Variants in SYN3 observed in about 807,000 individuals in gnomAD.
SYN3 encodes the protein synapsin-3.
Under a neutral mutation model 65.8 loss-of-function variants are expected in SYN3, and 35 were observed. The observed-to-expected ratio is 0.53, with a 90% CI of 0.41 to 0.70. The LOEUF (loss-of-function observed/expected upper bound fraction) is 0.70, where lower values mean the gene tolerates loss of function less well. SYN3 is among the 30% of genes least tolerant of loss of function. SYN3 has a pLI of 0.00. For missense variants in SYN3, 680 were observed against 749.0 expected, an observed-to-expected ratio of 0.91 and a Z score of 1.08; for synonymous variants, 270 against 292.9, an observed-to-expected ratio of 0.92 and a Z score of 0.80.
At chr22:32,667,798 CT>C (rs759464712) in intron 6 of SYN3, among the ~76,000 whole-genome samples, 1,507 of 139,116 alleles carry the variant, frequency 0.011, 10 homozygotes, top group African/African-American at 0.032. Context: ...TTCTTTCTTT[CT>C]TTTTTTTTTT....
chr22:32,958,686 C>T (rs1417831937), intron 3 of SYN3, among the ~76,000 whole-genome samples: 3 of 152,174 alleles, frequency 2.0e-5, no homozygotes, highest in Non-Finnish European at 4.4e-5. Flanking sequence ...CCTGGTGAGA[C>T]AGGCCTTATT....
At chr22:32,928,076 A>G (rs1205437773) in intron 4 of SYN3, among the ~76,000 whole-genome samples, 1 of 152,200 alleles carries the variant, frequency 6.6e-6, no homozygotes, top group Non-Finnish European at 1.5e-5. Context: ...CACACCTGTA[A>G]CCTCAGTACT....
chr22:32,771,751 G>A (rs1242671521), intron 6 of SYN3, among the ~76,000 whole-genome samples: 1 of 152,088 alleles, frequency 6.6e-6, no homozygotes, highest in East Asian at 1.9e-4. Context: ...AATGCACACT[G>A]CACATGGAGA....
intron 4 of SYN3, among the ~76,000 whole-genome samples, chr22:32,883,370 A>C (rs562809077): frequency 1.3e-5 from 2 of 152,314 alleles, no homozygotes; most frequent in South Asian, 4.1e-4. Context: ...CCATCAAAAG[A>C]AGCAGAGGGT....
intron 1 of SYN3, among the ~76,000 whole-genome samples, chr22:33,011,855 T>C (rs1454073396): frequency 2.0e-5 from 3 of 152,206 alleles, no homozygotes; most frequent in African/African-American, 7.2e-5. Context: ...TGGCATAAAG[T>C]TGTTCATAAC....
chr22:32,755,453 T>C (rs918998740), intron 6 of SYN3, among the ~76,000 whole-genome samples: 2 of 152,184 alleles, frequency 1.3e-5, no homozygotes, highest in Non-Finnish European at 2.9e-5. Flanking sequence ...GGGGCTCCCA[T>C]GATGATGGAG....
chr22:33,001,650 T>C (rs943118412), intron 2 of SYN3, among the ~76,000 whole-genome samples: 4 of 152,196 alleles, frequency 2.6e-5, no homozygotes, highest in Non-Finnish European at 5.9e-5. Flanking sequence ...GCAATAATAA[T>C]ATACACTTAT....
intron 6 of SYN3, among the ~76,000 whole-genome samples, chr22:32,597,067 A>G (rs2059210831): frequency 6.6e-6 from 1 of 152,164 alleles, no homozygotes; most frequent in Non-Finnish European, 1.5e-5. Context: ...CCCATGCCTC[A>G]GTTTCTTCAT....
chr22:32,945,266 C>T (rs2051070731), intron 3 of SYN3, among the ~76,000 whole-genome samples: 1 of 152,190 alleles, frequency 6.6e-6, no homozygotes, highest in South Asian at 2.1e-4. Flanking sequence ...AAACTGGAGG[C>T]ATCACGCTAC....
At chr22:32,660,389 T>C (rs2060200008) in intron 6 of SYN3, among the ~76,000 whole-genome samples, 1 of 152,098 alleles carries the variant, frequency 6.6e-6, no homozygotes, top group Non-Finnish European at 1.5e-5. Context: ...TGCAGCAAAG[T>C]TGCGAAATGG....
chr22:32,991,263 G>A (rs1161226263), intron 2 of SYN3, among the ~76,000 whole-genome samples: 1 of 149,886 alleles, frequency 6.7e-6, no homozygotes, highest in Non-Finnish European at 1.5e-5. Context: ...GCTTGAACTC[G>A]GGAGGCGGAG....
intron 6 of SYN3, among the ~76,000 whole-genome samples, chr22:32,828,451 A>G (rs1671106587): frequency 1.3e-5 from 2 of 152,232 alleles, no homozygotes; most frequent in South Asian, 4.1e-4. Context: ...CAGAGATCCA[A>G]TCCCTGGCTG....
At chr22:33,031,424 C>T (rs576476083) in intron 1 of SYN3, among the ~76,000 whole-genome samples, 20 of 152,212 alleles carry the variant, frequency 1.3e-4, no homozygotes, top group African/African-American at 4.8e-4. Flanking sequence ...AAAACAGCCC[C>T]GGAATCCATC....
At chr22:32,959,770 A>T (rs1274253559) in intron 3 of SYN3, among the ~76,000 whole-genome samples, 4 of 151,914 alleles carry the variant, frequency 2.6e-5, no homozygotes, top group African/African-American at 2.4e-5. Flanking sequence ...AATTTTTAAA[A>T]TTTTTTTGTA....
chr22:32,779,422 T>C (rs1368703006), intron 6 of SYN3, among the ~76,000 whole-genome samples: 1 of 152,178 alleles, frequency 6.6e-6, no homozygotes, highest in East Asian at 1.9e-4. Flanking sequence ...ATGGCGCCAC[T>C]GCACTCCAGC....
chr22:32,552,176 G>A (rs1026707633), intron 7 of SYN3, among the ~76,000 whole-genome samples: 3 of 152,192 alleles, frequency 2.0e-5, no homozygotes, highest in Admixed American at 1.3e-4. Context: ...AACCCGGGAG[G>A]CGGAGGTTGC....
rs377168828 is a variant in SYN3 at position 32,528,725 on chromosome 22, A to G, written c.1230+149T>C. The G allele has an allele frequency of 1.8e-4, 198 of 1,124,326 alleles. 4 individuals are homozygous for G. The East Asian group carries it at 2.7e-3, about 15-fold the overall frequency. The allele number at this position is 1,124,326 out of a possible 1,614,324, so 69.6% of individuals were successfully genotyped here. ...GGGGCAGGCTGTGAAAGCTCTCCCC[A>G]ATGTCTGGCCTTCGTCCACACCCCC... On this transcript the variant is annotated intron_variant, in intron 11 of 13. Transcript: ENST00000358763.
rs1048431342 is a variant in SYN3, at chr22:33,043,363, C to T, written c.-163+14929G>A. ...AGTAGTTCAAGACCAGCCTGGCCAA[C>T]ATGGCGAAACCCCGTCTCTACTAAA... On this transcript the variant is annotated intron_variant, in intron 1 of 13. Transcript: ENST00000358763. Among the ~76,000 whole-genome samples, 4 of 152,216 alleles carry T rather than the reference C, an allele frequency of 2.6e-5. No individual in the cohort carries two copies. The South Asian group carries it at 6.2e-4, about 24-fold the overall frequency.
At chr22:32,548,348 C>T (rs2058364004) in intron 7 of SYN3, among the ~76,000 whole-genome samples, 1 of 152,134 alleles carries the variant, frequency 6.6e-6, no homozygotes, top group African/African-American at 2.4e-5. Context: ...GCCATGGTGC[C>T]TAGCCTCAGG....
Sources: gnomAD v4.1 joint callset for allele counts (sites outside exome capture counted in the v4.1 genomes callset) on GRCh38, gnomAD v4.1.1 for gene constraint, MANE v1.5 for transcripts, NCBI Gene and HGNC (gene_info 2026-07-23, HGNC 2026-07-21) for gene names.